The following CRIPT variants were observed in gnomAD, a reference collection of about 807,000 sequenced individuals.
CRIPT encodes cysteine-rich PDZ-binding protein.
In CRIPT, 20 loss-of-function variants were observed where a neutral mutation model predicts 16.6. That is an observed-to-expected ratio of 1.20 (90% CI 0.85 to 1.75). CRIPT has a LOEUF of 1.75. CRIPT is among the 40% of genes most tolerant of loss of function. The probability of loss-of-function intolerance (pLI) is 0.00; values close to 1 mark genes in which losing one functional copy is unlikely to be tolerated. For missense variants in CRIPT, 133 were observed against 115.3 expected (o/e 1.15, Z -0.70); for synonymous variants, 42 against 37.0 (o/e 1.14, Z -0.49).
chr2:46,621,218 A>G (rs1670796773), intron 3 of CRIPT, among the ~76,000 whole-genome samples: 2 of 152,040 alleles, frequency 1.3e-5, no homozygotes, highest in South Asian at 4.1e-4. Flanking sequence ...TAAGCCCCCT[A>G]CCATGTTCTT....
rs184177496 is a variant in CRIPT at position 46,628,870 on chromosome 2, T to C, written c.*4643T>C. ...CAAATAAGATGACAGAATTAAGGCC[T>C]TATGCCACAGCCAGAGTTGAAAAAT... On this transcript the variant is annotated 3_prime_UTR_variant, in exon 5 of 5. Transcript: ENST00000238892. 1.5e-3 allele frequency among the ~76,000 whole-genome samples: 235 copies of C among 152,256 alleles called. No homozygotes were observed. The highest frequency in any genetic ancestry group is 2.7e-3 in the Non-Finnish European group (184 of 68,020).
chr2:46,626,991 C>T lies in CRIPT; in HGVS notation c.*2764C>T, dbSNP rs1220126314. Among the ~76,000 whole-genome samples, 1 of 152,062 alleles carries T rather than the reference C, an allele frequency of 6.6e-6. No homozygotes were observed. Among genetic ancestry groups the T allele is most frequent in the Non-Finnish European group, 1.5e-5 (1 of 68,020 alleles). ...GGGATTACAGGTGCCTGCCACCAAG[C>T]GTGGCTAATTTTGGTACTTTTAGTA... On this transcript the variant is annotated 3_prime_UTR_variant, in exon 5 of 5. Transcript: ENST00000238892.
At position 46,628,840 on chromosome 2, in the gene CRIPT, A is replaced by T. The variant is rs901630453; in HGVS notation, c.*4613A>T. 6.6e-6 allele frequency among the ~76,000 whole-genome samples: 1 copy of T among 152,244 alleles called. No homozygotes were observed. The highest frequency in any genetic ancestry group is 6.5e-5 in the Admixed American group (1 of 15,286). On this transcript the variant is annotated 3_prime_UTR_variant, in exon 5 of 5. Coordinates refer to ENST00000238892, the MANE Select transcript of CRIPT (RefSeq NM_014171.6). ...AAAGGAAGACATACAAACAGACACTATAACCAAATAAGATGACAGAATTAA... is the reference window on the plus strand; with the variant it reads ...AAAGGAAGACATACAAACAGACACTTTAACCAAATAAGATGACAGAATTAA...
chr2:46,622,091 C>G (rs753133319), intron 3 of CRIPT, among the ~76,000 whole-genome samples: 5 of 152,114 alleles, frequency 3.3e-5, no homozygotes, highest in African/African-American at 1.2e-4. Flanking sequence ...AAGGTTAGGC[C>G]GGGTGCGGTG....
intron 3 of CRIPT, among the ~76,000 whole-genome samples, chr2:46,622,369 CAAAA>C (rs1239573643): frequency 2.7e-5 from 2 of 73,826 alleles, no homozygotes; most frequent in Non-Finnish European, 5.6e-5. Flanking sequence ...GACTCCGTCT[CAAAA>C]AAAAAAAAAA....
rs1670682209 is a variant in CRIPT at position 46,617,263 on chromosome 2, GGGAA to G, written c.-19_-16del. On this transcript the variant is annotated 5_prime_UTR_variant, in exon 1 of 5. Coordinates refer to ENST00000238892, the MANE Select transcript of CRIPT (RefSeq NM_014171.6). The stretch of plus-strand genomic sequence containing the variant: ...CTGCTGCTGCTGCTGTTGCGGCTAG[GGGAA>G]CCGTCGTGGGGAAGGATGGTGTGCG... The G allele has an allele frequency of 6.4e-7, 1 of 1,554,278 alleles. No homozygotes were observed. The highest frequency in any genetic ancestry group is 1.4e-5 in the African/African-American group (1 of 73,570).
At chr2:46,618,467 G>A (rs1424369386) in intron 1 of CRIPT, among the ~76,000 whole-genome samples, 1 of 152,148 alleles carries the variant, frequency 6.6e-6, no homozygotes, top group African/African-American at 2.4e-5. Context: ...ACTTTGTATA[G>A]TTTATACATG....
At position 46,618,437 on chromosome 2, in the gene CRIPT, A is replaced by G. The variant is rs982414; in HGVS notation, c.17-336A>G. 1.0e-2 allele frequency among the ~76,000 whole-genome samples: 1,522 copies of G among 152,332 alleles called. 23 individuals carry two copies. The highest frequency in any genetic ancestry group is 0.03 in the South Asian group (144 of 4,826). ...ATCCCTTTAAAATTGTGTCTGATTC[A>G]TCACTTCATTTTTCTCAGCACTTTG... On this transcript the variant is annotated intron_variant, in intron 1 of 4. Coordinates refer to ENST00000238892, the MANE Select transcript of CRIPT (RefSeq NM_014171.6).
rs1670924496 is a variant in CRIPT at position 46,625,808 on chromosome 2, G to C, written c.*1581G>C. 6.6e-6 allele frequency: 1 copy of C among 152,030 alleles called. No homozygotes were observed. Among genetic ancestry groups the C allele is most frequent in the Non-Finnish European group, 1.5e-5 (1 of 68,010 alleles). 9.4% of individuals were successfully genotyped at this position (152,030 alleles called of 1,614,324 possible). ...TTATAACACAGGAAACTCATAACAGGACCTGGTCAGAGAGCATCCCAGATC... is the reference window on the plus strand; with the variant it reads ...TTATAACACAGGAAACTCATAACAGCACCTGGTCAGAGAGCATCCCAGATC... On this transcript the variant is annotated 3_prime_UTR_variant, in exon 5 of 5. Transcript: ENST00000238892.
intron 4 of CRIPT, 111 bp from the exon 5 acceptor site, chr2:46,624,047 TTTTTC>T (rs1008459967): frequency 1.7e-4 from 82 of 472,162 alleles, no homozygotes; most frequent in African/African-American, 1.3e-3. Flanking sequence ...ATATATTTTT[TTTTTC>T]TTTTCTTTTC....
rs1411899203 is a variant in CRIPT, at chr2:46,626,827, A to ATTTTTG, written c.*2617_*2622dup. 2.0e-5 allele frequency among the ~76,000 whole-genome samples: 3 copies of ATTTTTG among 150,670 alleles called. No individual in the cohort carries two copies. The highest frequency in any genetic ancestry group is 6.6e-5 in the Admixed American group (1 of 15,100). ...AATGGGTTTTTGTTTGTGTGTGTGTATTTTTGTTTTTGTTTTTGTTTTGAG... is the reference window on the plus strand; with the variant it reads ...AATGGGTTTTTGTTTGTGTGTGTGTATTTTTGTTTTTGTTTTTGTTTTTGTTTTGAG... On this transcript the variant is annotated 3_prime_UTR_variant, in exon 5 of 5. Coordinates refer to ENST00000238892, the MANE Select transcript of CRIPT (RefSeq NM_014171.6).
Position 46,625,991 on chromosome 2 carries a change from G to C in CRIPT, c.*1764G>C, listed in dbSNP as rs540283011. On this transcript the variant is annotated 3_prime_UTR_variant, in exon 5 of 5. Transcript: ENST00000238892. Reference sequence around the variant, plus strand: ...GATGTAGGGGTACATGTGCAGGTGAGTTATATGGGTATATTTTGTGATGCT... The same window carrying C: ...GATGTAGGGGTACATGTGCAGGTGACTTATATGGGTATATTTTGTGATGCT... 2.0e-5 allele frequency among the ~76,000 whole-genome samples: 3 copies of C among 152,150 alleles called. No individual in the cohort carries two copies. The highest frequency in any genetic ancestry group is 7.2e-5 in the African/African-American group (3 of 41,418).
At chr2:46,618,294 GAA>G (rs3834106) in intron 1 of CRIPT, among the ~76,000 whole-genome samples, 1 of 149,372 alleles carries the variant, frequency 6.7e-6, no homozygotes, top group African/African-American at 2.5e-5. Context: ...CTCTTGCCAG[GAA>G]AAAAAAATGA....
chr2:46,624,129 G>T (rs2104175452), intron 4 of CRIPT, 34 bp from the exon 5 acceptor site: 1 of 1,479,426 alleles, frequency 6.8e-7, no homozygotes, highest in South Asian at 1.4e-5. Flanking sequence ...TTGGTATTAT[G>T]ATTTGATTGA....
intron 1 of CRIPT, 101 bp downstream of exon 1, chr2:46,617,399 G>A (rs1234963214): frequency 1.3e-5 from 17 of 1,322,778 alleles, no homozygotes; most frequent in Non-Finnish European, 1.8e-5. Context: ...TCGCCCACAG[G>A]TCTCAGATTC....
Position 46,623,843 on chromosome 2 carries a change from T to A in CRIPT, c.217T>A (p.Cys73Ser), listed in dbSNP as rs371586247. The stretch of plus-strand genomic sequence containing the variant: ...TGTGCACCAACCAGGTTCTCATTAC[T>A]GCCAGGGCTGTGCCTACAAAAAAGG... The part of the protein sequence containing the change: ...SSVHQPGSHY[C>S]QGCAYKKGIC... The change falls in exon 4 of 5, where the codon TGC becomes AGC. Residue 73 changes from cysteine (C) to serine (S), a missense_variant. Physicochemically the swap from Cys to Ser is moderately radical, Grantham distance 112 (BLOSUM62 -1). Coordinates refer to ENST00000238892, the MANE Select transcript of CRIPT (RefSeq NM_014171.6). 1 of 1,609,936 alleles carries A rather than the reference T, an allele frequency of 6.2e-7. No individual in the cohort carries two copies. Among genetic ancestry groups the A allele is most frequent in the African/African-American group, 1.3e-5 (1 of 74,786 alleles).
In CRIPT at chr2:46,617,245, T is replaced by A. The variant is rs1451119613; in HGVS notation, c.-38T>A. The A allele has an allele frequency of 2.6e-6, 4 of 1,553,190 alleles. No individual in the cohort carries two copies. The highest frequency in any genetic ancestry group is 3.5e-6 in the Non-Finnish European group (4 of 1,147,616). ...GTTGTTGTTTTCAGCCTGCTGCTGC[T>A]GCTGCTGTTGCGGCTAGGGGAACCG... On this transcript the variant is annotated 5_prime_UTR_variant, in exon 1 of 5. Coordinates refer to ENST00000238892, the MANE Select transcript of CRIPT (RefSeq NM_014171.6).
chr2:46,628,165 C>T lies in CRIPT; in HGVS notation c.*3938C>T, dbSNP rs1002382980. 2.0e-5 allele frequency among the ~76,000 whole-genome samples: 3 copies of T among 147,718 alleles called. No individual in the cohort carries two copies. Among genetic ancestry groups the T allele is most frequent in the Admixed American group, 6.8e-5 (1 of 14,706 alleles). The stretch of plus-strand genomic sequence containing the variant: ...TGCTGTGTCTCCCAGGCTCTGAGTG[C>T]AGCTGTGCAATCTCAGCTCACTGCA... On this transcript the variant is annotated 3_prime_UTR_variant, in exon 5 of 5. Transcript: ENST00000238892.
At chr2:46,617,348 C>G (rs748254908) in intron 1 of CRIPT, 50 bp downstream of exon 1, 30 of 1,542,286 alleles carry the variant, frequency 1.9e-5, no homozygotes, top group Non-Finnish European at 2.3e-5. Flanking sequence ...GAGAACCTAA[C>G]TGAGCTCTCC....
Sources: gnomAD v4.1 joint callset for allele counts (sites outside exome capture counted in the v4.1 genomes callset) on GRCh38, gnomAD v4.1.1 for gene constraint, MANE v1.5 for transcripts, NCBI Gene and HGNC (gene_info 2026-07-23, HGNC 2026-07-21) for gene names.